CAMTA1: variants seen among roughly 807,000 people sequenced by gnomAD.
The protein encoded by CAMTA1 is calmodulin binding transcription activator 1.
CAMTA1 carries 27 observed loss-of-function variants against 170.9 expected under a neutral mutation model. The observed-to-expected ratio is 0.16, with a 90% CI of 0.12 to 0.22. The LOEUF (loss-of-function observed/expected upper bound fraction) is 0.22. Ranked by LOEUF, CAMTA1 falls within the 10% of genes least tolerant of loss-of-function variation. CAMTA1 has a pLI of 1.00. For synonymous variants in CAMTA1, 833 were observed against 891.5 expected, an observed-to-expected ratio of 0.93 and a Z score of 1.17; for missense variants, 1,619 against 2,217.2, an observed-to-expected ratio of 0.73 and a Z score of 5.42.
chr1:7,101,095 G>T (rs1421796876), intron 4 of CAMTA1, among the ~76,000 whole-genome samples: 1 of 152,184 alleles, frequency 6.6e-6, no homozygotes, highest in Non-Finnish European at 1.5e-5. Flanking sequence ...ATAAGTATTT[G>T]CATGCCCTGT....
chr1:6,959,227 G>C (rs1689970656), intron 3 of CAMTA1, among the ~76,000 whole-genome samples: 1 of 152,218 alleles, frequency 6.6e-6, no homozygotes, highest in Non-Finnish European at 1.5e-5. Context: ...TGTGTTCTGG[G>C]AGAAAAGGGT....
At chr1:7,449,780 A>C in intron 5 of CAMTA1, among the ~76,000 whole-genome samples, 1 of 151,232 alleles carries the variant, frequency 6.6e-6, no homozygotes, top group Non-Finnish European at 1.5e-5. Flanking sequence ...AAAAAAAAAA[A>C]AAAAAAAAGA....
chr1:7,439,137 C>T (rs1441921884), intron 5 of CAMTA1, among the ~76,000 whole-genome samples: 1 of 152,124 alleles, frequency 6.6e-6, no homozygotes, highest in Non-Finnish European at 1.5e-5. Flanking sequence ...CCCTCCAGGC[C>T]CTGCTGCTCC....
At chr1:7,221,932 C>G (rs986987608) in intron 4 of CAMTA1, among the ~76,000 whole-genome samples, 5 of 151,678 alleles carry the variant, frequency 3.3e-5, no homozygotes, top group African/African-American at 1.2e-4. Context: ...CACACATACA[C>G]ACACACACAC....
intron 5 of CAMTA1, among the ~76,000 whole-genome samples, chr1:7,361,668 G>A (rs144838465): frequency 1.3e-5 from 2 of 152,222 alleles, no homozygotes; most frequent in African/African-American, 4.8e-5. Flanking sequence ...AACCTGGAAG[G>A]TTGGGGGTAC....
At chr1:6,866,682 A>T (rs1012260280) in intron 3 of CAMTA1, among the ~76,000 whole-genome samples, 1 of 152,180 alleles carries the variant, frequency 6.6e-6, no homozygotes, top group African/African-American at 2.4e-5. Flanking sequence ...TGTCAGTTGC[A>T]AAAATAGGAG....
intron 4 of CAMTA1, among the ~76,000 whole-genome samples, chr1:7,125,851 C>T (rs1359660700): frequency 6.6e-6 from 1 of 152,164 alleles, no homozygotes; most frequent in Non-Finnish European, 1.5e-5. Context: ...CTTTCCATCT[C>T]TCCTCCCCAA....
At chr1:6,819,512 A>G (rs1646249297) in intron 1 of CAMTA1, among the ~76,000 whole-genome samples, 1 of 152,180 alleles carries the variant, frequency 6.6e-6, no homozygotes, top group Non-Finnish European at 1.5e-5. Context: ...ATGGTTAAAA[A>G]TGTTGTTGGT....
At chr1:7,022,006 C>T (rs1470578480) in intron 3 of CAMTA1, among the ~76,000 whole-genome samples, 1 of 152,170 alleles carries the variant, frequency 6.6e-6, no homozygotes, top group Admixed American at 6.5e-5. Flanking sequence ...AGCAAAGTGA[C>T]CTGCCCAAGG....
chr1:7,414,707 C>G (rs898663224), intron 5 of CAMTA1, among the ~76,000 whole-genome samples: 1 of 152,004 alleles, frequency 6.6e-6, no homozygotes, highest in African/African-American at 2.4e-5. Context: ...TTAAAAAAAC[C>G]AGCTCCTGGA....
At chr1:7,526,940 G>A (rs1249658706) in intron 6 of CAMTA1, among the ~76,000 whole-genome samples, 1 of 152,178 alleles carries the variant, frequency 6.6e-6, no homozygotes, top group African/African-American at 2.4e-5. Context: ...CCCAGCTGCT[G>A]GGGCCTGTGT....
At chr1:7,237,071 C>G (rs1235932136) in intron 4 of CAMTA1, among the ~76,000 whole-genome samples, 2 of 152,186 alleles carry the variant, frequency 1.3e-5, no homozygotes, top group African/African-American at 4.8e-5. Context: ...CTTCCCTGTG[C>G]CTTGTGGCAG....
chr1:7,519,804 G>T (rs2094336268), intron 6 of CAMTA1, among the ~76,000 whole-genome samples: 1 of 151,608 alleles, frequency 6.6e-6, no homozygotes, highest in South Asian at 2.1e-4. Context: ...ACATCTGGAT[G>T]ACTCAAACCT....
At chr1:7,648,726 A>G (rs1193227106) in intron 7 of CAMTA1, among the ~76,000 whole-genome samples, 1 of 152,234 alleles carries the variant, frequency 6.6e-6, no homozygotes, top group Non-Finnish European at 1.5e-5. Flanking sequence ...AAGCCTGAGC[A>G]GAGACAATGG....
chr1:7,512,171 C>G (rs558119700), intron 6 of CAMTA1, among the ~76,000 whole-genome samples: 53 of 152,338 alleles, frequency 3.5e-4, no homozygotes, highest in African/African-American at 1.2e-3. Flanking sequence ...AGCACCTGCT[C>G]TGTACCAATC....
intron 1 of CAMTA1, among the ~76,000 whole-genome samples, chr1:6,797,760 T>C (rs932721652): frequency 2.6e-5 from 4 of 152,102 alleles, no homozygotes; most frequent in Admixed American, 2.0e-4. Flanking sequence ...ACTAGAGCTT[T>C]GTGTTCCTTT....
At chr1:6,827,670 A>G (rs1570551399) in intron 3 of CAMTA1, among the ~76,000 whole-genome samples, 1 of 152,306 alleles carries the variant, frequency 6.6e-6, no homozygotes, top group Admixed American at 6.5e-5. Context: ...TCATGTTGAC[A>G]TGAAAACCTG....
intron 3 of CAMTA1, among the ~76,000 whole-genome samples, chr1:6,941,495 C>T (rs66495811): frequency 0.31 from 47,428 of 152,038 alleles, 8,007 homozygotes; most frequent in Non-Finnish European, 0.38. Context: ...GACACTGACC[C>T]GAGGCACAGA....
chr1:7,162,688 C>G (rs77775223), intron 4 of CAMTA1, among the ~76,000 whole-genome samples: 1 of 152,042 alleles, frequency 6.6e-6, no homozygotes, highest in South Asian at 2.1e-4. Context: ...CTGGAGGGAC[C>G]GTATTTCATT....
Sources: gnomAD v4.1 joint callset for allele counts (sites outside exome capture counted in the v4.1 genomes callset) on GRCh38, gnomAD v4.1.1 for gene constraint, MANE v1.5 for transcripts, NCBI Gene and HGNC (gene_info 2026-07-23, HGNC 2026-07-21) for gene names.